Variants in EBNA1BP2 observed in about 807,000 individuals in gnomAD.
EBNA1BP2 encodes EBNA1 binding protein 2, also known as probable rRNA-processing protein EBP2.
Under a neutral mutation model 43.5 loss-of-function variants are expected in EBNA1BP2, and 36 were observed. The observed-to-expected ratio is 0.83, with a 90% CI of 0.63 to 1.09. The LOEUF (loss-of-function observed/expected upper bound fraction) is 1.09, where lower values mean the gene tolerates loss of function less well. EBNA1BP2 is among the 50% of genes least tolerant of loss of function. The probability of loss-of-function intolerance (pLI) is 0.00; values close to 1 mark genes in which losing one functional copy is unlikely to be tolerated. For missense variants in EBNA1BP2, 332 were observed against 379.1 expected (o/e 0.88, Z 1.03); for synonymous variants, 127 against 141.3 (o/e 0.90, Z 0.72).
At chr1:43,167,947 GA>G (rs1644929694) in intron 5 of EBNA1BP2, among the ~76,000 whole-genome samples, 1 of 151,972 alleles carries the variant, frequency 6.6e-6, no homozygotes, top group Non-Finnish European at 1.5e-5. Context: ...GGCAGTCACA[GA>G]AAACTCTTGG....
chr1:43,167,061 G>A (rs530749349), intron 6 of EBNA1BP2, 99 bp downstream of exon 6: 151 of 1,499,370 alleles, frequency 1.0e-4, no homozygotes, highest in African/African-American at 1.4e-4. Flanking sequence ...ACTTTGATCC[G>A]ACAGGTCCAC....
chr1:43,166,165 T>C (rs1438545591), intron 7 of EBNA1BP2, among the ~76,000 whole-genome samples: 1 of 152,188 alleles, frequency 6.6e-6, no homozygotes, highest in Non-Finnish European at 1.5e-5. Context: ...AATTAGCATT[T>C]AGAAAGGCAT....
At chr1:43,171,782 G>A in intron 2 of EBNA1BP2, 104 bp downstream of exon 2, 3 of 1,566,936 alleles carry the variant, frequency 1.9e-6, no homozygotes, top group East Asian at 2.3e-5. Flanking sequence ...TCTTGGCGAG[G>A]CGCAGGGTGC....
At chr1:43,172,357 C>T, upstream of EBNA1BP2, 1 of 1,551,628 alleles carries the variant, frequency 6.4e-7, no homozygotes, top group Admixed American at 2.0e-5. Context: ...GCTATAGGAA[C>T]CGCTACGGCG....
At chr1:43,171,001 G>A (rs1036137587) in intron 3 of EBNA1BP2, 122 bp from the exon 4 acceptor site, 3 of 1,360,320 alleles carry the variant, frequency 2.2e-6, no homozygotes, top group African/African-American at 1.5e-5. Context: ...CCATTAGCAA[G>A]AACAAACAAA....
chr1:43,171,052 G>T, intron 3 of EBNA1BP2, 173 bp from the exon 4 acceptor site: 1 of 946,280 alleles, frequency 1.1e-6, no homozygotes, highest in Non-Finnish European at 1.5e-6. Flanking sequence ...AAGAAATGTA[G>T]CCGTATACTA....
chr1:43,167,308 A>G, intron 5 of EBNA1BP2, 73 bp from the exon 6 acceptor site: 1 of 1,412,376 alleles, frequency 7.1e-7, no homozygotes, highest in Non-Finnish European at 1.0e-6. Context: ...TCTTAATAGC[A>G]ACACCATGAT....
Position 43,168,937 on chromosome 1 carries a change from A to T in EBNA1BP2, c.537+2T>A. 6.2e-7 allele frequency: 1 copy of T among 1,613,844 alleles called. No individual in the cohort carries two copies. Among genetic ancestry groups the T allele is most frequent in the Non-Finnish European group, 8.5e-7 (1 of 1,179,950 alleles). On this transcript the variant is annotated splice_donor_variant, in intron 5 of 8. Coordinates refer to ENST00000236051, the MANE Select transcript of EBNA1BP2 (RefSeq NM_006824.3). LOFTEE classifies it high-confidence loss of function. ...CTGTTCCCTGCACACTTTTCTTCTC[A>T]CCTTCTTCCCGTATTTCCTAAGTGC...
At chr1:43,170,938 T>C (rs1644959003) in intron 3 of EBNA1BP2, 59 bp from the exon 4 acceptor site, 1 of 1,475,876 alleles carries the variant, frequency 6.8e-7, no homozygotes, top group Non-Finnish European at 8.9e-7. Context: ...ACGTTCCTTT[T>C]CACCGCCAAT....
chr1:43,171,068 T>C (rs1644961624), intron 3 of EBNA1BP2, 189 bp from the exon 4 acceptor site: 3 of 793,812 alleles, frequency 3.8e-6, no homozygotes, highest in Middle Eastern at 4.1e-4. Context: ...TACTAGTTTT[T>C]AAAAAGGGGA....
At chr1:43,172,549 C>T (rs1341487760), upstream of EBNA1BP2, 6 of 695,784 alleles carry the variant, frequency 8.6e-6, no homozygotes, top group African/African-American at 2.7e-5. Context: ...TGGGGTGGCG[C>T]GGAGGAGGAC....
chr1:43,166,248 C>T (rs1487170417), intron 7 of EBNA1BP2, among the ~76,000 whole-genome samples: 1 of 152,198 alleles, frequency 6.6e-6, no homozygotes, highest in Non-Finnish European at 1.5e-5. Flanking sequence ...GAACTCTCAA[C>T]CATCGCACTG....
chr1:43,165,799 G>A (rs1276198123), intron 7 of EBNA1BP2, among the ~76,000 whole-genome samples: 1 of 152,086 alleles, frequency 6.6e-6, no homozygotes, highest in African/African-American at 2.4e-5. Flanking sequence ...ACAAAACCCT[G>A]AGGTTTCACA....
rs191124814 is a variant in EBNA1BP2 at position 43,171,779 on chromosome 1, G to A, written c.150+107C>T. Reference sequence around the variant, plus strand: ...CAGACAGGTAATTGACCCTCTTGGCGAGGCGCAGGGTGCATCTTTCCTGGG... The same window carrying A: ...CAGACAGGTAATTGACCCTCTTGGCAAGGCGCAGGGTGCATCTTTCCTGGG... On this transcript the variant is annotated intron_variant, in intron 2 of 8. Transcript: ENST00000236051. The A allele has an allele frequency of 7.4e-4, 1,154 of 1,563,436 alleles. 2 individuals are homozygous for A. The highest frequency in any genetic ancestry group is 8.0e-4 in the Non-Finnish European group (917 of 1,149,356).
chr1:43,172,566 G>T (rs1645007449), upstream of EBNA1BP2: 1 of 793,738 alleles, frequency 1.3e-6, no homozygotes, highest in African/African-American at 1.7e-5. Flanking sequence ...GGACCCCGGG[G>T]GAGGGGAAAG....
intron 5 of EBNA1BP2, among the ~76,000 whole-genome samples, chr1:43,168,662 G>A (rs1644933872): frequency 6.6e-6 from 1 of 152,122 alleles, no homozygotes. Context: ...TTGCTATAAG[G>A]TCAGGTTTGG....
At chr1:43,167,045 C>A in intron 6 of EBNA1BP2, 115 bp downstream of exon 6, 1 of 1,490,164 alleles carries the variant, frequency 6.7e-7, no homozygotes, top group Non-Finnish European at 9.3e-7. Context: ...CAACACCATT[C>A]CCAAAACTTT....
At chr1:43,167,954 CT>C (rs1557709241) in intron 5 of EBNA1BP2, among the ~76,000 whole-genome samples, 2 of 152,094 alleles carry the variant, frequency 1.3e-5, no homozygotes, top group Non-Finnish European at 2.9e-5. Flanking sequence ...ACAGAAAACT[CT>C]TGGGGAGCAA....
intron 4 of EBNA1BP2, among the ~76,000 whole-genome samples, chr1:43,169,627 C>T (rs577077164): frequency 2.6e-5 from 4 of 152,264 alleles, no homozygotes; most frequent in African/African-American, 7.2e-5. Flanking sequence ...TATCAAAATC[C>T]ACAGATGCTC....
Sources: allele counts gnomAD v4.1 joint callset (sites outside exome capture counted in the v4.1 genomes callset), GRCh38; gene constraint gnomAD v4.1.1; transcripts MANE v1.5; gene names NCBI Gene and HGNC (gene_info 2026-07-23, HGNC 2026-07-21).